Variants in MCC observed in about 807,000 individuals in gnomAD.
The protein encoded by MCC is MCC regulator of Wnt signaling pathway.
MCC carries 90 observed loss-of-function variants against 116.2 expected under a neutral mutation model. That is an observed-to-expected ratio of 0.77 (90% CI 0.65 to 0.92). The LOEUF is 0.92. MCC is among the 40% of genes least tolerant of loss of function. The pLI, the probability that MCC is intolerant of heterozygous loss-of-function variation, is 0.00. For synonymous variants in MCC, 578 were observed against 510.5 expected (o/e 1.13, Z -1.78); for missense variants, 1,516 against 1,312.2 (o/e 1.16, Z -2.40).
intron 2 of MCC, among the ~76,000 whole-genome samples, chr5:113,357,864 T>C (rs545535402): frequency 7.9e-5 from 12 of 152,294 alleles, no homozygotes; most frequent in African/African-American, 2.9e-4. Flanking sequence ...AAGCATGCCA[T>C]TGTTTAAGAC....
chr5:113,488,358 G>GCCA lies in MCC; in HGVS notation c.56_57insTGG (p.Gly21dup), dbSNP rs1204506429. On this transcript the variant is annotated inframe_insertion, in exon 1 of 19. Coordinates refer to ENST00000408903, the MANE Select transcript of MCC (RefSeq NM_001085377.2). ...TGCTGCTGCTGCTGCCGCTGCCGCC[G>GCCA]CCGCCGCCGCCGCTGCTGGAGCTCC... 4.6e-6 allele frequency: 7 copies of GCCA among 1,516,236 alleles called. No homozygotes were observed. The highest frequency in any genetic ancestry group is 6.2e-6 in the Non-Finnish European group (7 of 1,138,100). The allele number at this position is 1,516,236 out of a possible 1,614,324, so 93.9% of individuals were successfully genotyped here. A position where few individuals can be genotyped will look rare whatever the true frequency, so the allele number is the denominator to read the frequency against.
At chr5:113,361,964 CACACCA>C in intron 2 of MCC, among the ~76,000 whole-genome samples, 1 of 152,246 alleles carries the variant, frequency 6.6e-6, no homozygotes, top group East Asian at 1.9e-4. Context: ...CAGACTGAGC[CACACCA>C]GCAGTCTTCC....
At chr5:113,053,123 G>C (rs549007468) in intron 15 of MCC, among the ~76,000 whole-genome samples, 7 of 152,288 alleles carry the variant, frequency 4.6e-5, no homozygotes, top group South Asian at 2.1e-4. Context: ...GGGGACACCA[G>C]CTTTCCAAGA....
intron 3 of MCC, among the ~76,000 whole-genome samples, chr5:113,189,942 A>G (rs1373028149): frequency 6.6e-6 from 1 of 152,168 alleles, no homozygotes; most frequent in Non-Finnish European, 1.5e-5. Context: ...TAGGTTATCT[A>G]GAGAGCCTCA....
At chr5:113,340,221 T>C (rs575322617) in intron 3 of MCC, among the ~76,000 whole-genome samples, 2 of 152,372 alleles carry the variant, frequency 1.3e-5, no homozygotes, top group East Asian at 1.9e-4. Context: ...TCTAGAACCA[T>C]AGAAGTAGTC....
At chr5:113,357,390 C>A (rs1436180388) in intron 2 of MCC, among the ~76,000 whole-genome samples, 1 of 152,164 alleles carries the variant, frequency 6.6e-6, no homozygotes, top group Admixed American at 6.5e-5. Flanking sequence ...CAACCAGTGC[C>A]TAAAATTTTA....
chr5:113,281,713 G>A (rs935074432), intron 3 of MCC, among the ~76,000 whole-genome samples: 1 of 152,162 alleles, frequency 6.6e-6, no homozygotes, highest in Admixed American at 6.5e-5. Flanking sequence ...CAGGCAATGA[G>A]CTTTTGGCAT....
chr5:113,195,975 C>A (rs1762386097), intron 3 of MCC, among the ~76,000 whole-genome samples: 1 of 152,222 alleles, frequency 6.6e-6, no homozygotes, highest in Admixed American at 6.5e-5. Context: ...CTTCCAACTA[C>A]TGAAATCCTA....
chr5:113,046,199 C>CTT (rs113389112), intron 16 of MCC, among the ~76,000 whole-genome samples: 42 of 147,510 alleles, frequency 2.8e-4, no homozygotes, highest in African/African-American at 1.0e-3. Context: ...AATTTTCTTA[C>CTT]TTTTTTTTTT....
At chr5:113,307,390 T>C in intron 3 of MCC, among the ~76,000 whole-genome samples, 1 of 152,190 alleles carries the variant, frequency 6.6e-6, no homozygotes, top group East Asian at 1.9e-4. Flanking sequence ...TTCCTAAGTA[T>C]TTTATTCTTT....
intron 3 of MCC, among the ~76,000 whole-genome samples, chr5:113,176,893 T>C (rs1761363328): frequency 6.6e-6 from 1 of 152,128 alleles, no homozygotes; most frequent in Admixed American, 6.5e-5. Flanking sequence ...CTTGTCTAGA[T>C]TGCAGGAACA....
chr5:113,433,690 G>A, intron 1 of MCC: 2 of 1,569,836 alleles, frequency 1.3e-6, no homozygotes, highest in South Asian at 2.4e-5. Context: ...TCAGAGCTTG[G>A]GCTTTAAGCC....
intron 3 of MCC, among the ~76,000 whole-genome samples, chr5:113,242,757 C>A (rs1312913291): frequency 1.3e-5 from 2 of 152,078 alleles, no homozygotes; most frequent in African/African-American, 4.8e-5. Context: ...AAATGTGCTT[C>A]CCATCTCGGG....
chr5:113,480,131 A>G (rs544025298), intron 1 of MCC, among the ~76,000 whole-genome samples: 32 of 152,336 alleles, frequency 2.1e-4, no homozygotes, highest in African/African-American at 7.2e-4. Context: ...GGAGAATAGT[A>G]GATTATGTTT....
chr5:113,477,426 T>C (rs942168977), intron 1 of MCC, among the ~76,000 whole-genome samples: 5 of 152,172 alleles, frequency 3.3e-5, no homozygotes, highest in African/African-American at 4.8e-5. Context: ...CTAAAACAGC[T>C]AGAAATCCAA....
intron 1 of MCC, among the ~76,000 whole-genome samples, chr5:113,472,629 G>A (rs1389807023): frequency 6.6e-6 from 1 of 152,202 alleles, no homozygotes; most frequent in African/African-American, 2.4e-5. Context: ...GATTTAGGAA[G>A]TAATCTGTAA....
intron 3 of MCC, among the ~76,000 whole-genome samples, chr5:113,179,944 T>G (rs1035322721): frequency 6.6e-6 from 1 of 152,164 alleles, no homozygotes; most frequent in Non-Finnish European, 1.5e-5. Context: ...TACCTAAACA[T>G]ATACATACCT....
intron 8 of MCC, among the ~76,000 whole-genome samples, chr5:113,093,023 G>A (rs1002590529): frequency 1.3e-5 from 2 of 152,214 alleles, no homozygotes; most frequent in Admixed American, 1.3e-4. Flanking sequence ...CACAGGACCA[G>A]ATGTACACAC....
chr5:113,365,962 A>G (rs906721531), intron 2 of MCC, among the ~76,000 whole-genome samples: 2 of 152,194 alleles, frequency 1.3e-5, no homozygotes, highest in African/African-American at 4.8e-5. Flanking sequence ...ACTTCCCACC[A>G]GGCCCCACCT....
Sources: gnomAD v4.1 joint callset for allele counts (sites outside exome capture counted in the v4.1 genomes callset) on GRCh38, gnomAD v4.1.1 for gene constraint, MANE v1.5 for transcripts, NCBI Gene and HGNC (gene_info 2026-07-23, HGNC 2026-07-21) for gene names.